GPC5: variants seen among roughly 807,000 people sequenced by gnomAD.
GPC5 encodes the protein glypican-5.
In GPC5, 47 loss-of-function variants were observed where a neutral mutation model predicts 53.9. The ratio of observed to expected loss-of-function variants is 0.87; its 90% CI spans 0.69 to 1.11. GPC5 has a LOEUF of 1.11. Ranked by LOEUF, GPC5 falls within the 50% of genes most tolerant of loss-of-function variation. The pLI is 0.00. For missense variants in GPC5, 748 were observed against 713.1 expected (o/e 1.05, Z -0.56); for synonymous variants, 286 against 263.3 (o/e 1.09, Z -0.84).
chr13:92,336,333 T>C (rs971553600), intron 7 of GPC5, among the ~76,000 whole-genome samples: 2 of 152,204 alleles, frequency 1.3e-5, no homozygotes, highest in Admixed American at 1.3e-4. Context: ...GCTATGTCTT[T>C]ACAGTGAATT....
intron 7 of GPC5, among the ~76,000 whole-genome samples, chr13:92,522,862 G>T (rs1018448004): frequency 4.0e-5 from 6 of 151,836 alleles, no homozygotes; most frequent in Non-Finnish European, 5.9e-5. Flanking sequence ...TGTAAGTACA[G>T]TTTTTTTTCC....
chr13:92,560,700 C>T (rs566338195), intron 7 of GPC5, among the ~76,000 whole-genome samples: 1 of 152,106 alleles, frequency 6.6e-6, no homozygotes, highest in African/African-American at 2.4e-5. Context: ...AATCTAATTT[C>T]TGCCTCAGAT....
intron 6 of GPC5, among the ~76,000 whole-genome samples, chr13:92,105,361 G>A (rs1314224532): frequency 6.6e-6 from 1 of 151,960 alleles, no homozygotes; most frequent in African/African-American, 2.4e-5. Flanking sequence ...TGTTTAATAA[G>A]CAAAATAATA....
chr13:92,526,761 T>C (rs1881297724), intron 7 of GPC5, among the ~76,000 whole-genome samples: 1 of 151,846 alleles, frequency 6.6e-6, no homozygotes, highest in Non-Finnish European at 1.5e-5. Flanking sequence ...AAAGTAAGTA[T>C]AGACAAGTGA....
intron 7 of GPC5, among the ~76,000 whole-genome samples, chr13:92,574,038 T>A (rs1386680655): frequency 6.6e-6 from 1 of 152,208 alleles, no homozygotes; most frequent in Non-Finnish European, 1.5e-5. Context: ...TCCAAGTTTG[T>A]CTTTCCTAAA....
chr13:92,638,702 T>A (rs1885492103), intron 7 of GPC5, among the ~76,000 whole-genome samples: 1 of 152,196 alleles, frequency 6.6e-6, no homozygotes, highest in African/African-American at 2.4e-5. Flanking sequence ...AATGCAATAA[T>A]GTTTGTAATC....
At chr13:91,910,916 C>T (rs777239992) in intron 6 of GPC5, among the ~76,000 whole-genome samples, 24 of 151,972 alleles carry the variant, frequency 1.6e-4, no homozygotes, top group Non-Finnish European at 3.4e-4. Context: ...ATGTTATAAA[C>T]AAACCAAACA....
chr13:92,302,306 T>A (rs538952588), intron 7 of GPC5, among the ~76,000 whole-genome samples: 37 of 152,256 alleles, frequency 2.4e-4, no homozygotes, highest in African/African-American at 8.7e-4. Flanking sequence ...CCCTGATTGT[T>A]GACATTGATT....
chr13:91,787,502 A>G (rs2037898172), intron 5 of GPC5, among the ~76,000 whole-genome samples: 1 of 152,204 alleles, frequency 6.6e-6, no homozygotes, highest in Admixed American at 6.6e-5. Flanking sequence ...TTGCATTCCT[A>G]GGATAAACAC....
At chr13:91,403,955 C>T (rs548110022) in intron 1 of GPC5, among the ~76,000 whole-genome samples, 4 of 152,122 alleles carry the variant, frequency 2.6e-5, no homozygotes, top group Non-Finnish European at 2.9e-5. Context: ...TCTCTCCATC[C>T]CATAATTTAA....
At chr13:92,632,972 T>C (rs111378755) in intron 7 of GPC5, among the ~76,000 whole-genome samples, 1 of 152,168 alleles carries the variant, frequency 6.6e-6, no homozygotes, top group African/African-American at 2.4e-5. Context: ...CTCACTGCAA[T>C]CTCTGTCTCC....
intron 7 of GPC5, among the ~76,000 whole-genome samples, chr13:92,474,216 A>G (rs1201442690): frequency 6.6e-6 from 1 of 151,976 alleles, no homozygotes; most frequent in South Asian, 2.1e-4. Flanking sequence ...TCCTTGGGAC[A>G]AAACCCATTG....
chr13:91,586,309 A>G (rs577480219), intron 2 of GPC5, among the ~76,000 whole-genome samples: 1 of 148,736 alleles, frequency 6.7e-6, no homozygotes, highest in South Asian at 2.1e-4. Context: ...TAGGAATATA[A>G]GATTGTTTCA....
At chr13:92,104,337 G>A (rs1047975203) in intron 6 of GPC5, among the ~76,000 whole-genome samples, 47 of 152,118 alleles carry the variant, frequency 3.1e-4, no homozygotes, top group Non-Finnish European at 2.4e-4. Flanking sequence ...TTGAAGAAAT[G>A]CTCTTCAAAT....
At chr13:92,059,381 T>C (rs952958951) in intron 6 of GPC5, among the ~76,000 whole-genome samples, 6 of 152,100 alleles carry the variant, frequency 3.9e-5, no homozygotes, top group South Asian at 2.1e-4. Flanking sequence ...GAAATAGATA[T>C]TCATTGTTGA....
intron 7 of GPC5, among the ~76,000 whole-genome samples, chr13:92,496,040 A>G (rs1469989981): frequency 6.6e-6 from 1 of 152,098 alleles, no homozygotes; most frequent in Non-Finnish European, 1.5e-5. Flanking sequence ...ACAATGAACT[A>G]GCATGTATTT....
intron 2 of GPC5, among the ~76,000 whole-genome samples, chr13:91,533,439 T>C (rs1886444046): frequency 6.6e-6 from 1 of 152,198 alleles, no homozygotes; most frequent in Admixed American, 6.5e-5. Context: ...CATAATAATC[T>C]GTAATTAAAA....
At chr13:91,399,358 T>C (rs1594035510) in intron 1 of GPC5, 149 bp downstream of exon 1, 3 of 985,738 alleles carry the variant, frequency 3.0e-6, no homozygotes, top group East Asian at 5.3e-5. Flanking sequence ...CGGGGATGCT[T>C]GGTGCGGGTA....
At chr13:91,805,445 T>C (rs950808060) in intron 5 of GPC5, among the ~76,000 whole-genome samples, 1 of 149,134 alleles carries the variant, frequency 6.7e-6, no homozygotes, top group African/African-American at 2.5e-5. Flanking sequence ...TAAGATACCA[T>C]GGGCTTTGCT....
Sources: gnomAD v4.1 joint callset for allele counts (sites outside exome capture counted in the v4.1 genomes callset) on GRCh38, gnomAD v4.1.1 for gene constraint, MANE v1.5 for transcripts, NCBI Gene and HGNC (gene_info 2026-07-23, HGNC 2026-07-21) for gene names.